The following TUBB6 variants were observed in gnomAD, a reference collection of about 807,000 sequenced individuals.
TUBB6 encodes the protein tubulin beta-6 chain.
In TUBB6, 18 loss-of-function variants were observed where a neutral mutation model predicts 32.3. The ratio of observed to expected loss-of-function variants is 0.56; its 90% CI spans 0.39 to 0.83. The LOEUF (loss-of-function observed/expected upper bound fraction) is 0.83, where lower values mean the gene tolerates loss of function less well. Ranked by LOEUF, TUBB6 falls within the 40% of genes least tolerant of loss-of-function variation. The pLI is 0.00. For missense variants in TUBB6, 480 were observed against 632.0 expected, an observed-to-expected ratio of 0.76 and a Z score of 2.58; for synonymous variants, 280 against 265.8, an observed-to-expected ratio of 1.05 and a Z score of -0.52.
intron 3 of TUBB6, chr18:12,324,815 C>T: frequency 7.6e-7 from 1 of 1,316,642 alleles, no homozygotes; most frequent in Non-Finnish European, 9.6e-7. Flanking sequence ...CAAGAATTAC[C>T]TCTTTAACAT....
chr18:12,313,364 A>G (rs996093046), intron 3 of TUBB6, among the ~76,000 whole-genome samples: 1 of 152,222 alleles, frequency 6.6e-6, no homozygotes. Flanking sequence ...TAGCACTTAC[A>G]AGACTTCAGT....
In TUBB6 at chr18:12,308,911, G is replaced by A. The variant is rs1316734611; in HGVS notation, c.166+116G>A. 2.2e-5 allele frequency: 15 copies of A among 693,792 alleles called. No individual in the cohort carries two copies. The Admixed American group carries it at 2.6e-4, about 12-fold the overall frequency. 43.0% of individuals were successfully genotyped at this position (693,792 alleles called of 1,614,324 possible). On this transcript the variant is annotated intron_variant, in intron 2 of 3. Transcript: ENST00000317702. The stretch of plus-strand genomic sequence containing the variant: ...AAGTTCTCTCGGGGTGTAGCAGGAT[G>A]CCCGGCCACTCCCTTCGCTCCTCCG...
At chr18:12,308,202 CGCGGA>C, upstream of TUBB6, 1 of 920,316 alleles carries the variant, frequency 1.1e-6, no homozygotes, top group South Asian at 4.8e-5. Flanking sequence ...GGGGCGGGGG[CGCGGA>C]GGGTCGGCCC....
chr18:12,308,773 C>A lies in TUBB6; in HGVS notation c.144C>A (p.Asn48Lys). Residue 48 changes from asparagine to lysine, a missense_variant, in exon 2 of 4, where the codon AAC becomes AAA. Asn to Lys is a moderately conservative substitution (Grantham distance 94). Transcript: ENST00000317702. ...GDSALQLERINVYYNESSSQK... is the reference protein window; with the variant it reads ...GDSALQLERIKVYYNESSSQK... ...CGGCGCTGCAGCTGGAGAGAATCAA[C>A]GTCTACTACAATGAGTCATCGTGTG... 6.2e-7 allele frequency: 1 copy of A among 1,610,446 alleles called. No homozygotes were observed. Among genetic ancestry groups the A allele is most frequent in the East Asian group, 2.2e-5 (1 of 44,824 alleles).
At chr18:12,327,003 C>T (rs1031437458), downstream of TUBB6, among the ~76,000 whole-genome samples, 3 of 152,232 alleles carry the variant, frequency 2.0e-5, no homozygotes, top group Non-Finnish European at 2.9e-5. Context: ...CTTCTACCAC[C>T]GGCCACACCT....
chr18:12,327,296 C>G (rs1167369489), downstream of TUBB6, among the ~76,000 whole-genome samples: 1 of 152,192 alleles, frequency 6.6e-6, no homozygotes, highest in Non-Finnish European at 1.5e-5. Flanking sequence ...CTGGGCAGAG[C>G]CCACTCTGAC....
At chr18:12,317,472 AAAAG>A (rs1399423123) in intron 3 of TUBB6, among the ~76,000 whole-genome samples, 1 of 19,632 alleles carries the variant, frequency 5.1e-5, no homozygotes, top group Non-Finnish European at 3.0e-4. Flanking sequence ...TGTCTCAAAA[AAAAG>A]AAAAGAAAAA....
intron 3 of TUBB6, chr18:12,320,412 T>TGCTA (rs1296446659): frequency 6.6e-6 from 1 of 152,212 alleles, no homozygotes; most frequent in Non-Finnish European, 1.5e-5. Context: ...TTTTTCATTT[T>TGCTA]GCTAGCTAGC....
rs1389513940 is a variant in TUBB6, at chr18:12,308,807, G to A, written c.166+12G>A. 6.5e-7 allele frequency: 1 copy of A among 1,549,656 alleles called. No homozygotes were observed. Among genetic ancestry groups the A allele is most frequent in the South Asian group, 1.1e-5 (1 of 89,840 alleles). The stretch of plus-strand genomic sequence containing the variant: ...CAATGAGTCATCGTGTGAGTAGCAA[G>A]GCCGCCGCGCCCTGCCCGGCCGGGA... On this transcript the variant is annotated intron_variant, in intron 2 of 3. Transcript: ENST00000317702.
chr18:12,322,121 T>C (rs2144159324), intron 3 of TUBB6, among the ~76,000 whole-genome samples: 1 of 151,930 alleles, frequency 6.6e-6, no homozygotes, highest in South Asian at 2.1e-4. Context: ...GCCAACGTGG[T>C]GAAACCCTCT....
At chr18:12,308,418 AC>A (rs1226709965) in intron 1 of TUBB6, 69 bp downstream of exon 1, 3 of 1,196,886 alleles carry the variant, frequency 2.5e-6, no homozygotes, top group East Asian at 3.5e-5. Context: ...TCCCGGCGCG[AC>A]CCCCGCCGGG....
At chr18:12,311,229 A>C (rs1020256202) in intron 3 of TUBB6, 176 bp downstream of exon 3, 1 of 526,472 alleles carries the variant, frequency 1.9e-6, no homozygotes, top group Non-Finnish European at 3.3e-6. Flanking sequence ...GTTTTTTTTA[A>C]ATCTTGACTT....
At chr18:12,329,171 G>T, downstream of TUBB6, 1 of 703,000 alleles carries the variant, frequency 1.4e-6, no homozygotes, top group Non-Finnish European at 2.6e-6. Context: ...GAACTGAGGA[G>T]AAACAGGAAT....
rs144629670 is a variant in TUBB6 at position 12,313,875 on chromosome 18, G to T, written c.277+2822G>T. 3.4e-3 allele frequency among the ~76,000 whole-genome samples: 520 copies of T among 152,308 alleles called. 5 individuals are homozygous for T. Among genetic ancestry groups the T allele is most frequent in the African/African-American group, 0.011 (462 of 41,560 alleles). On this transcript the variant is annotated intron_variant, in intron 3 of 3. Transcript: ENST00000317702. ...GCTGAATCCATTTGCATGCCCACGG[G>T]GGGTGTCTGAGAGCTCCTCTTGCCC...
At position 12,324,839 on chromosome 18, in the gene TUBB6, C is replaced by G; in HGVS notation, c.278-228C>G. The G allele has an allele frequency of 2.2e-6, 3 of 1,348,264 alleles. 1 individual carries two copies. The South Asian group carries it at 7.0e-5, about 32-fold the overall frequency. The allele number at this position is 1,348,264 out of a possible 1,614,324, so 83.5% of individuals were successfully genotyped here. The stretch of plus-strand genomic sequence containing the variant: ...CCTCTTTAACATGGAACAACCAGGT[C>G]AAAATGTATATACATCTTTAAAATT... On this transcript the variant is annotated intron_variant, in intron 3 of 3. Coordinates refer to ENST00000317702, the MANE Select transcript of TUBB6 (RefSeq NM_032525.3).
chr18:12,320,314 T>C (rs1723636774), intron 3 of TUBB6, among the ~76,000 whole-genome samples: 1 of 152,218 alleles, frequency 6.6e-6, no homozygotes, highest in Non-Finnish European at 1.5e-5. Context: ...GTCATAAAGC[T>C]AGAAATGAAC....
In TUBB6 at chr18:12,326,121, C is replaced by A; in HGVS notation, c.1332C>A (p.Ile444=). Residue 444 remains isoleucine (I), a synonymous_variant, in exon 4 of 4, where the codon ATC becomes ATA. Coordinates refer to ENST00000317702, the MANE Select transcript of TUBB6 (RefSeq NM_032525.3). ...CTTTTGAGGATGAGGAAGAGGAGAT[C>A]GATGGATAGTCGGAATAGAGCCGCC... The part of the protein sequence containing the change: ...EEAFEDEEEE[I]DG 2.5e-6 allele frequency: 4 copies of A among 1,611,902 alleles called. No homozygotes were observed. The highest frequency in any genetic ancestry group is 3.4e-6 in the Non-Finnish European group (4 of 1,178,764).
In TUBB6 at chr18:12,326,179, C is replaced by A; in HGVS notation, c.*49C>A. On this transcript the variant is annotated 3_prime_UTR_variant, in exon 4 of 4. Transcript: ENST00000317702. The stretch of plus-strand genomic sequence containing the variant: ...AGATCCTACAACACGCAAGTTCCTT[C>A]TTGAACCCTGGTGCCTCCTACCCTA... 2 of 1,570,606 alleles carry A rather than the reference C, an allele frequency of 1.3e-6. No homozygotes were observed. Among genetic ancestry groups the A allele is most frequent in the Non-Finnish European group, 1.7e-6 (2 of 1,157,626 alleles).
intron 3 of TUBB6, among the ~76,000 whole-genome samples, chr18:12,318,050 T>C (rs2144147317): frequency 6.6e-6 from 1 of 152,224 alleles, no homozygotes; most frequent in African/African-American, 2.4e-5. Flanking sequence ...GTCTGATTGA[T>C]TGGGGTTCTA....
Sources: allele counts gnomAD v4.1 joint callset (sites outside exome capture counted in the v4.1 genomes callset), GRCh38; gene constraint gnomAD v4.1.1; transcripts MANE v1.5; gene names NCBI Gene and HGNC (gene_info 2026-07-23, HGNC 2026-07-21).